GRM8: variants seen among roughly 807,000 people sequenced by gnomAD.
GRM8 encodes metabotropic glutamate receptor 8.
GRM8 carries 47 observed loss-of-function variants against 87.2 expected under a neutral mutation model. The observed-to-expected ratio is 0.54, with a 90% CI of 0.43 to 0.69. GRM8 has a LOEUF of 0.69. Ranked by LOEUF, GRM8 falls within the 30% of genes least tolerant of loss-of-function variation. GRM8 has a pLI of 0.00. For missense variants in GRM8, 1,019 were observed against 1,139.2 expected (o/e 0.89, Z 1.52); for synonymous variants, 396 against 404.5 (o/e 0.98, Z 0.25).
chr7:126,729,730 A>T (rs1813393433), intron 7 of GRM8, among the ~76,000 whole-genome samples: 1 of 152,158 alleles, frequency 6.6e-6, no homozygotes, highest in African/African-American at 2.4e-5. Flanking sequence ...CTCATCTAAG[A>T]TCTCAGAGAG....
intron 8 of GRM8, among the ~76,000 whole-genome samples, chr7:126,586,639 T>G (rs1248798474): frequency 6.6e-6 from 1 of 152,186 alleles, no homozygotes; most frequent in Non-Finnish European, 1.5e-5. Flanking sequence ...TGTAGAAAGC[T>G]CAAACTGGAT....
intron 3 of GRM8, among the ~76,000 whole-genome samples, chr7:126,933,323 A>C (rs1382932957): frequency 6.6e-6 from 1 of 152,240 alleles, no homozygotes; most frequent in Non-Finnish European, 1.5e-5. Flanking sequence ...GGCAAATAGT[A>C]CATCCTGGAA....
chr7:126,631,223 C>T (rs1801221935), intron 7 of GRM8, among the ~76,000 whole-genome samples: 3 of 152,044 alleles, frequency 2.0e-5, no homozygotes, highest in Non-Finnish European at 2.9e-5. Flanking sequence ...AAATCACTAG[C>T]ATTTCTATAC....
At chr7:126,480,507 T>C (rs1343785312) in intron 9 of GRM8, among the ~76,000 whole-genome samples, 2 of 152,204 alleles carry the variant, frequency 1.3e-5, no homozygotes, top group South Asian at 4.1e-4. Context: ...CACAGAGCTA[T>C]GGGTTAGATT....
Position 126,995,817 on chromosome 7 carries a change from A to G in GRM8, c.728-91134T>C, listed in dbSNP as rs1781393482. Among the ~76,000 whole-genome samples the G allele has an allele frequency of 2.6e-5, 4 of 152,042 alleles. No homozygotes were observed. The South Asian group carries it at 8.3e-4, about 31-fold the overall frequency. ...AAGTTTATTCAATGGGATAATATAA[A>G]AGAACTTCCAAACTTAGAGAAATAT... On this transcript the variant is annotated intron_variant, in intron 3 of 10. Transcript: ENST00000339582.
chr7:126,958,441 G>A (rs1360652311), intron 3 of GRM8, among the ~76,000 whole-genome samples: 4 of 152,262 alleles, frequency 2.6e-5, no homozygotes, highest in African/African-American at 7.2e-5. Context: ...AGCAGAAGCC[G>A]CTTGCGGTAT....
At chr7:126,705,708 G>C (rs1810434617) in intron 7 of GRM8, among the ~76,000 whole-genome samples, 1 of 152,160 alleles carries the variant, frequency 6.6e-6, no homozygotes, top group African/African-American at 2.4e-5. Flanking sequence ...TAGTCATTAA[G>C]AGATGTAAAA....
At chr7:126,632,821 G>C (rs1470162983) in intron 7 of GRM8, among the ~76,000 whole-genome samples, 2 of 152,096 alleles carry the variant, frequency 1.3e-5, no homozygotes, top group African/African-American at 4.8e-5. Context: ...TTATAGGTAG[G>C]AGCTGAATGA....
chr7:126,914,928 TG>T (rs1295639446), intron 3 of GRM8, among the ~76,000 whole-genome samples: 3 of 152,108 alleles, frequency 2.0e-5, no homozygotes, highest in African/African-American at 7.3e-5. Context: ...TAAAAATAGA[TG>T]CTTTTTTAAA....
chr7:127,054,981 A>G (rs1398129277), intron 3 of GRM8, among the ~76,000 whole-genome samples: 2 of 152,192 alleles, frequency 1.3e-5, no homozygotes, highest in African/African-American at 4.8e-5. Flanking sequence ...AACCAACCAT[A>G]TGGTATGACT....
At chr7:127,175,524 ACT>A (rs1407712556) in intron 2 of GRM8, among the ~76,000 whole-genome samples, 1 of 152,182 alleles carries the variant, frequency 6.6e-6, no homozygotes, top group African/African-American at 2.4e-5. Context: ...CACTTAAACT[ACT>A]TGTAGGCATA....
At chr7:127,059,333 T>A (rs1367060694) in intron 3 of GRM8, among the ~76,000 whole-genome samples, 1 of 49,886 alleles carries the variant, frequency 2.0e-5, no homozygotes, top group African/African-American at 5.1e-5. Context: ...TTTTTTTGCT[T>A]TTTTTTTTTT....
intron 8 of GRM8, among the ~76,000 whole-genome samples, chr7:126,585,823 A>C (rs1008421601): frequency 2.6e-5 from 4 of 152,124 alleles, no homozygotes; most frequent in Admixed American, 6.5e-5. Flanking sequence ...GTTGGAAGTT[A>C]TGGCCAGGGT....
intron 6 of GRM8, among the ~76,000 whole-genome samples, chr7:126,862,648 T>C (rs778057353): frequency 1.3e-5 from 2 of 152,090 alleles, no homozygotes; most frequent in South Asian, 2.1e-4. Flanking sequence ...CTTTAAATTA[T>C]AATATTAGTA....
Position 126,533,570 on chromosome 7 carries a change from G to C in GRM8, c.1812C>G (p.Thr604=). 6.2e-7 allele frequency: 1 copy of C among 1,614,070 alleles called. No individual in the cohort carries two copies. The highest frequency in any genetic ancestry group is 8.5e-7 in the Non-Finnish European group (1 of 1,179,974). ...TAGGTGTGTCATTATAGCGGACAAA[G>C]GTCACGATCACAAAGGTGGTGGCGA... ...GIIATTFVIV[T]FVRYNDTPIV... Residue 604 remains threonine (T), a synonymous_variant, in exon 9 of 11, where the codon ACC becomes ACG. Transcript: ENST00000339582.
Position 126,785,721 on chromosome 7 carries a change from T to TA in GRM8, c.1157-15657dup, listed in dbSNP as rs552806148. ...CCTGTCACCTGGAACCAGGAGGAAT[T>TA]AGAGCCACAACGTGGAGATAGCAGA... On this transcript the variant is annotated intron_variant, in intron 6 of 10. Coordinates refer to ENST00000339582, the MANE Select transcript of GRM8 (RefSeq NM_000845.3). Among the ~76,000 whole-genome samples, 8 of 152,102 alleles carry TA rather than the reference T, an allele frequency of 5.3e-5. No homozygotes were observed. The East Asian group carries it at 1.6e-3, about 29-fold the overall frequency.
At chr7:126,464,729 G>A (rs1804297574) in intron 9 of GRM8, among the ~76,000 whole-genome samples, 1 of 151,620 alleles carries the variant, frequency 6.6e-6, no homozygotes, top group Non-Finnish European at 1.5e-5. Flanking sequence ...TCATGACAAT[G>A]TAATGCTTAT....
intron 7 of GRM8, among the ~76,000 whole-genome samples, chr7:126,730,855 TA>T (rs1481878361): frequency 2.6e-5 from 4 of 152,296 alleles, no homozygotes; most frequent in African/African-American, 9.6e-5. Flanking sequence ...TGTTATTTAC[TA>T]TCTACATTTA....
At chr7:127,249,599 G>A (rs910302387) in intron 1 of GRM8, among the ~76,000 whole-genome samples, 1 of 152,154 alleles carries the variant, frequency 6.6e-6, no homozygotes, top group Admixed American at 6.5e-5. Flanking sequence ...GTCCCTCCCA[G>A]TGAGTGGGTG....
Sources: gnomAD v4.1 joint callset for allele counts (sites outside exome capture counted in the v4.1 genomes callset) on GRCh38, gnomAD v4.1.1 for gene constraint, MANE v1.5 for transcripts, NCBI Gene and HGNC (gene_info 2026-07-23, HGNC 2026-07-21) for gene names.